LITAF: variants seen among roughly 807,000 people sequenced by gnomAD.
The protein encoded by LITAF is lipopolysaccharide induced TNF factor.
In LITAF, 9 loss-of-function variants were observed where a neutral mutation model predicts 14.5. The ratio of observed to expected loss-of-function variants is 0.62; its 90% CI spans 0.37 to 1.08. The LOEUF (loss-of-function observed/expected upper bound fraction) is 1.08. Ranked by LOEUF, LITAF falls within the 50% of genes least tolerant of loss-of-function variation. The pLI, the probability that LITAF is intolerant of heterozygous loss-of-function variation, is 0.01. For missense variants in LITAF, 206 were observed against 213.4 expected, an observed-to-expected ratio of 0.97 and a Z score of 0.22; for synonymous variants, 98 against 88.2, an observed-to-expected ratio of 1.11 and a Z score of -0.62.
chr16:11,551,112 T>C (rs918166336), intron 3 of LITAF, among the ~76,000 whole-genome samples: 6 of 152,186 alleles, frequency 3.9e-5, no homozygotes, highest in African/African-American at 1.4e-4. Context: ...TTGCCAAAAA[T>C]GGAGTTAAAA....
At chr16:11,584,528 C>G (rs983925222) in intron 1 of LITAF, among the ~76,000 whole-genome samples, 1 of 152,190 alleles carries the variant, frequency 6.6e-6, no homozygotes. Flanking sequence ...CTTCAACCAC[C>G]TGGGCTTGTC....
chr16:11,635,565 G>A (rs1438891661), intron 2 of LITAF, among the ~76,000 whole-genome samples: 1 of 152,178 alleles, frequency 6.6e-6, no homozygotes, highest in African/African-American at 2.4e-5. Flanking sequence ...CTGTCCGCCT[G>A]ACTGCAGATA....
At chr16:11,615,331 G>T (rs1274708385) in intron 3 of LITAF, among the ~76,000 whole-genome samples, 2 of 152,206 alleles carry the variant, frequency 1.3e-5, no homozygotes, top group Non-Finnish European at 2.9e-5. Flanking sequence ...GAGGTCAGGA[G>T]TTCAAGACCA....
chr16:11,616,644 C>T (rs1466934336), intron 3 of LITAF, among the ~76,000 whole-genome samples: 1 of 152,150 alleles, frequency 6.6e-6, no homozygotes, highest in South Asian at 2.1e-4. Context: ...ATCACAATAT[C>T]ACAGGCTACC....
At chr16:11,607,294 G>A (rs569672058) in intron 3 of LITAF, among the ~76,000 whole-genome samples, 2 of 152,352 alleles carry the variant, frequency 1.3e-5, no homozygotes, top group East Asian at 3.9e-4. Context: ...GTTCCCTGCA[G>A]AGCTGTGTCG....
At chr16:11,622,947 AATATATATATAT>A (rs56677620) in intron 3 of LITAF, among the ~76,000 whole-genome samples, 1 of 145,376 alleles carries the variant, frequency 6.9e-6, no homozygotes, top group Non-Finnish European at 1.5e-5. Context: ...TCATATAATG[AATATATATATAT>A]ATATATATAT....
chr16:11,623,721 C>T (rs1000923368), intron 3 of LITAF, among the ~76,000 whole-genome samples: 1 of 151,192 alleles, frequency 6.6e-6, no homozygotes, highest in Non-Finnish European at 1.5e-5. Flanking sequence ...AATCCCAGGA[C>T]TTTGGAAGGT....
rs374893714 is a variant in LITAF, at chr16:11,556,386, G to C, written c.220+125C>G. On this transcript the variant is annotated intron_variant, in intron 2 of 3. Coordinates refer to ENST00000622633, the MANE Select transcript of LITAF (RefSeq NM_001136472.2). ...ACTGCGTGTGGAATTTCAAGGTAAG[G>C]GGGTAAAACTGGAACGTACTGGCAC... is the stretch of plus-strand genomic sequence containing the variant. 4.1e-5 allele frequency: 31 copies of C among 749,418 alleles called. No homozygotes were observed. The African/African-American group carries it at 4.4e-4, about 11-fold the overall frequency. The allele number at this position is 749,418 out of a possible 1,614,324, so 46.4% of individuals were successfully genotyped here. A position where few individuals can be genotyped will look rare whatever the true frequency, so the allele number is the denominator to read the frequency against.
intron 1 of LITAF, among the ~76,000 whole-genome samples, chr16:11,572,262 G>A (rs1006471155): frequency 6.6e-6 from 1 of 151,834 alleles, no homozygotes; most frequent in Admixed American, 6.6e-5. Context: ...GGGTCTGCAC[G>A]AAGCCCTTGT....
At chr16:11,592,467 T>C (rs2064853354) in intron 1 of LITAF, among the ~76,000 whole-genome samples, 1 of 151,694 alleles carries the variant, frequency 6.6e-6, no homozygotes, top group African/African-American at 2.4e-5. Context: ...TCCCAGCTAC[T>C]TGGGAGGTGA....
intron 3 of LITAF, among the ~76,000 whole-genome samples, chr16:11,621,112 T>C (rs1199719424): frequency 1.3e-5 from 2 of 151,604 alleles, no homozygotes; most frequent in African/African-American, 4.9e-5. Flanking sequence ...CAGCCTGGAG[T>C]GCAATGGCAG....
intron 3 of LITAF, among the ~76,000 whole-genome samples, chr16:11,610,797 G>A (rs568111598): frequency 6.6e-6 from 1 of 152,290 alleles, no homozygotes; most frequent in Admixed American, 6.5e-5. Context: ...AAGGCAACCT[G>A]TAATGTACCA....
intron 1 of LITAF, among the ~76,000 whole-genome samples, chr16:11,576,725 C>A (rs1567248998): frequency 6.6e-6 from 1 of 152,150 alleles, no homozygotes; most frequent in Non-Finnish European, 1.5e-5. Context: ...ACCAGCAGAA[C>A]CCAGCGTGCA....
intron 3 of LITAF, among the ~76,000 whole-genome samples, chr16:11,611,049 G>A (rs1395116333): frequency 6.6e-6 from 1 of 152,032 alleles, no homozygotes; most frequent in African/African-American, 2.4e-5. Context: ...CCCAGATACG[G>A]TTTCCAGAAA....
intron 3 of LITAF, among the ~76,000 whole-genome samples, chr16:11,618,310 C>A (rs963180000): frequency 6.6e-6 from 1 of 152,230 alleles, no homozygotes; most frequent in African/African-American, 2.4e-5. Flanking sequence ...ACTAGTCTAG[C>A]AGGTGCCTCC....
At chr16:11,625,442 T>C (rs2065077962) in intron 3 of LITAF, among the ~76,000 whole-genome samples, 1 of 152,046 alleles carries the variant, frequency 6.6e-6, no homozygotes, top group Admixed American at 6.6e-5. Flanking sequence ...TACGCATTTT[T>C]AGTGGAGACA....
chr16:11,565,829 G>A (rs567300231), intron 1 of LITAF, among the ~76,000 whole-genome samples: 258 of 83,750 alleles, frequency 3.1e-3, no homozygotes, highest in African/African-American at 0.012. Context: ...CTTAGCTTGC[G>A]TGTCACCTCC....
upstream of LITAF, among the ~76,000 whole-genome samples, chr16:11,589,005 G>T (rs1160634390): frequency 6.6e-6 from 1 of 151,954 alleles, no homozygotes; most frequent in African/African-American, 2.4e-5. Flanking sequence ...TTCCCCAACT[G>T]CTGAGCAGCA....
intron 3 of LITAF, among the ~76,000 whole-genome samples, chr16:11,615,101 C>T (rs1033749884): frequency 6.6e-6 from 1 of 152,194 alleles, no homozygotes; most frequent in Non-Finnish European, 1.5e-5. Context: ...AAGGAGAGAC[C>T]AAGCTGGGGC....
Sources: allele counts gnomAD v4.1 joint callset (sites outside exome capture counted in the v4.1 genomes callset), GRCh38; gene constraint gnomAD v4.1.1; transcripts MANE v1.5; gene names NCBI Gene and HGNC (gene_info 2026-07-23, HGNC 2026-07-21).